The following ANKH variants were observed in gnomAD, a reference collection of about 807,000 sequenced individuals.
ANKH encodes the protein ANKH inorganic pyrophosphate transport regulator, also known as mineralization regulator ANKH.
Under a neutral mutation model 49.0 loss-of-function variants are expected in ANKH, and 15 were observed. That is an observed-to-expected ratio of 0.31 (90% CI 0.20 to 0.47). The LOEUF (loss-of-function observed/expected upper bound fraction) is 0.47. Ranked by LOEUF, ANKH falls within the 20% of genes least tolerant of loss-of-function variation. The pLI, the probability that ANKH is intolerant of heterozygous loss-of-function variation, is 1.00. For synonymous variants in ANKH, 273 were observed against 260.0 expected, an observed-to-expected ratio of 1.05 and a Z score of -0.48; for missense variants, 429 against 652.0, an observed-to-expected ratio of 0.66 and a Z score of 3.72.
chr5:14,818,184 C>T (rs975369212), intron 1 of ANKH, among the ~76,000 whole-genome samples: 3 of 151,720 alleles, frequency 2.0e-5, no homozygotes, highest in African/African-American at 7.3e-5. Context: ...ACCTTTAGCT[C>T]TTTTCTCTCA....
chr5:14,823,921 C>T (rs563494712), intron 1 of ANKH, among the ~76,000 whole-genome samples: 2 of 152,268 alleles, frequency 1.3e-5, no homozygotes, highest in South Asian at 4.1e-4. Flanking sequence ...CAAAGAGAGA[C>T]TCCATCTCAA....
chr5:14,740,056 C>T (rs1266189212), intron 8 of ANKH, among the ~76,000 whole-genome samples: 1 of 152,114 alleles, frequency 6.6e-6, no homozygotes, highest in Non-Finnish European at 1.5e-5. Flanking sequence ...GGTGAATGTC[C>T]TTAAGCCCAA....
intron 4 of ANKH, among the ~76,000 whole-genome samples, chr5:14,753,240 G>A (rs1423224726): frequency 6.6e-6 from 1 of 152,228 alleles, no homozygotes; most frequent in East Asian, 1.9e-4. Context: ...TCTTATGTTG[G>A]AAGGTGAGAG....
At chr5:14,824,023 G>C (rs1484196372) in intron 1 of ANKH, among the ~76,000 whole-genome samples, 1 of 152,116 alleles carries the variant, frequency 6.6e-6, no homozygotes, top group Non-Finnish European at 1.5e-5. Flanking sequence ...TGGTATGTAA[G>C]AATACCTTAC....
intron 1 of ANKH, among the ~76,000 whole-genome samples, chr5:14,804,879 T>C (rs2126564980): frequency 6.6e-6 from 1 of 152,356 alleles, no homozygotes; most frequent in Non-Finnish European, 1.5e-5. Flanking sequence ...GGACGTCTTG[T>C]GTGAGTCTGA....
intron 9 of ANKH, among the ~76,000 whole-genome samples, chr5:14,714,539 C>T (rs567015434): frequency 9.6e-4 from 146 of 152,264 alleles, no homozygotes; most frequent in African/African-American, 3.4e-3. Context: ...AATTCCTTTC[C>T]AGGATATGCT....
intron 1 of ANKH, among the ~76,000 whole-genome samples, chr5:14,837,169 G>C (rs1285827486): frequency 2.6e-5 from 4 of 152,060 alleles, no homozygotes; most frequent in Non-Finnish European, 5.9e-5. Context: ...AAAAACTCTG[G>C]AAGAAAACCT....
intron 1 of ANKH, among the ~76,000 whole-genome samples, chr5:14,824,079 C>A (rs909124446): frequency 1.3e-5 from 2 of 152,022 alleles, no homozygotes; most frequent in African/African-American, 4.8e-5. Context: ...TGACTGCAGA[C>A]AAAAACCCAT....
At chr5:14,790,693 C>T (rs896706721) in intron 1 of ANKH, among the ~76,000 whole-genome samples, 22 of 152,228 alleles carry the variant, frequency 1.4e-4, no homozygotes, top group Admixed American at 9.8e-4. Context: ...CTGCAACCTT[C>T]GCTTCCGGGG....
At chr5:14,848,730 C>T (rs772933118) in intron 1 of ANKH, among the ~76,000 whole-genome samples, 3 of 152,158 alleles carry the variant, frequency 2.0e-5, no homozygotes, top group Non-Finnish European at 2.9e-5. Context: ...GGTTCTCTTC[C>T]GTGACCCACG....
intron 8 of ANKH, among the ~76,000 whole-genome samples, chr5:14,738,877 C>T (rs142016708): frequency 1.3e-5 from 2 of 152,158 alleles, no homozygotes; most frequent in South Asian, 2.1e-4. Flanking sequence ...TGAATGCTGT[C>T]GGTACCTTAC....
intron 2 of ANKH, among the ~76,000 whole-genome samples, chr5:14,765,315 G>A (rs1349336383): frequency 6.6e-6 from 1 of 152,228 alleles, no homozygotes; most frequent in African/African-American, 2.4e-5. Flanking sequence ...CTATGGGTGT[G>A]CATAGTATGG....
chr5:14,758,907 T>C (rs1738986893), intron 2 of ANKH, among the ~76,000 whole-genome samples: 1 of 152,262 alleles, frequency 6.6e-6, no homozygotes. Flanking sequence ...TTCTACATTT[T>C]ATTTCTTTGA....
chr5:14,739,395 C>T (rs951751782), intron 8 of ANKH, among the ~76,000 whole-genome samples: 3 of 151,862 alleles, frequency 2.0e-5, no homozygotes, highest in Non-Finnish European at 2.9e-5. Flanking sequence ...CCAGCCTGGG[C>T]GACGGAGTGA....
chr5:14,802,507 G>C (rs185726238), intron 1 of ANKH, among the ~76,000 whole-genome samples: 33 of 152,106 alleles, frequency 2.2e-4, no homozygotes, highest in Non-Finnish European at 4.4e-4. Flanking sequence ...CAGATGGAGG[G>C]ACCTCTGAAG....
At chr5:14,766,993 G>T (rs1053853479) in intron 2 of ANKH, among the ~76,000 whole-genome samples, 5 of 152,204 alleles carry the variant, frequency 3.3e-5, no homozygotes, top group African/African-American at 1.2e-4. Context: ...GCTGTTTTCA[G>T]CATTACTAGG....
chr5:14,838,097 G>A (rs752595147), intron 1 of ANKH, among the ~76,000 whole-genome samples: 1 of 151,984 alleles, frequency 6.6e-6, no homozygotes, highest in Non-Finnish European at 1.5e-5. Context: ...GAAACATCAC[G>A]CACCAGGGCC....
rs141431810 is a variant in ANKH, at chr5:14,797,977, T to C, written c.97-28786A>G. The stretch of plus-strand genomic sequence containing the variant: ...AGAATATCACTGGAAGGAGTCTTTG[T>C]TGTGATGATACAAGGGTTCTGGGGC... On this transcript the variant is annotated intron_variant, in intron 1 of 11. Coordinates refer to ENST00000284268, the MANE Select transcript of ANKH (RefSeq NM_054027.6). 1.5e-3 allele frequency: 2,408 copies of C among 1,563,192 alleles called. 35 individuals are homozygous for C. The African/African-American group carries it at 0.028, about 18-fold the overall frequency.
At chr5:14,753,415 A>T (rs1411586503) in intron 4 of ANKH, among the ~76,000 whole-genome samples, 1 of 152,236 alleles carries the variant, frequency 6.6e-6, no homozygotes, top group Non-Finnish European at 1.5e-5. Flanking sequence ...GAATTTTCTC[A>T]GAAGGCTGAG....
Sources: allele counts gnomAD v4.1 joint callset (sites outside exome capture counted in the v4.1 genomes callset), GRCh38; gene constraint gnomAD v4.1.1; transcripts MANE v1.5; gene names NCBI Gene and HGNC (gene_info 2026-07-23, HGNC 2026-07-21).